Variants in CSMD3 observed in about 807,000 individuals in gnomAD.
The protein encoded by CSMD3 is CUB and Sushi multiple domains 3.
In CSMD3, 177 loss-of-function variants were observed where a neutral mutation model predicts 435.2. The ratio of observed to expected loss-of-function variants is 0.41; its 90% confidence interval spans 0.36 to 0.46. The LOEUF (loss-of-function observed/expected upper bound fraction) is 0.46, where lower values mean the gene tolerates loss of function less well. Among genes scored for constraint, CSMD3 ranks in the 20% least tolerant of loss-of-function variants. CSMD3 has a pLI of 0.34. For synonymous variants in CSMD3, 1,656 were observed against 1,520.5 expected, an observed-to-expected ratio of 1.09 and a Z score of -2.07; for missense variants, 4,265 against 4,504.6, an observed-to-expected ratio of 0.95 and a Z score of 1.52.
At chr8:112,382,834 T>C (rs1403548462) in intron 37 of CSMD3, among the ~76,000 whole-genome samples, 1 of 151,900 alleles carries the variant, frequency 6.6e-6, no homozygotes, top group Non-Finnish European at 1.5e-5. Flanking sequence ...TACCAAAAAA[T>C]ACAAAACTTA....
chr8:112,578,287 G>A (rs975244515), intron 23 of CSMD3, among the ~76,000 whole-genome samples: 2 of 152,024 alleles, frequency 1.3e-5, no homozygotes, highest in African/African-American at 2.4e-5. Flanking sequence ...TTTAGTGAAG[G>A]AGAAGGGGCA....
intron 22 of CSMD3, among the ~76,000 whole-genome samples, chr8:112,619,807 C>CT (rs905392368): frequency 8.6e-5 from 8 of 93,306 alleles, no homozygotes; most frequent in African/African-American, 1.3e-4. Flanking sequence ...TTTCTCCTAT[C>CT]TTAAAAAAAA....
At chr8:112,426,422 C>T (rs1813078172) in intron 32 of CSMD3, among the ~76,000 whole-genome samples, 1 of 151,990 alleles carries the variant, frequency 6.6e-6, no homozygotes, top group Non-Finnish European at 1.5e-5. Context: ...CTGAATTATT[C>T]CATTTGGTAA....
chr8:112,881,587 A>G (rs2081449320), intron 10 of CSMD3, among the ~76,000 whole-genome samples: 1 of 152,018 alleles, frequency 6.6e-6, no homozygotes, highest in South Asian at 2.1e-4. Context: ...CTTTTTAGGT[A>G]GATTTACTGT....
At chr8:112,402,265 C>T (rs751236252) in intron 35 of CSMD3, among the ~76,000 whole-genome samples, 5 of 152,152 alleles carry the variant, frequency 3.3e-5, no homozygotes, top group African/African-American at 4.8e-5. Context: ...GACATTCACC[C>T]ACGACTCTTG....
At chr8:113,089,108 T>C (rs949266517) in intron 5 of CSMD3, among the ~76,000 whole-genome samples, 2 of 152,128 alleles carry the variant, frequency 1.3e-5, no homozygotes, top group African/African-American at 2.4e-5. Flanking sequence ...CAGTGAACCA[T>C]GGACTAAAGC....
intron 32 of CSMD3, among the ~76,000 whole-genome samples, chr8:112,461,083 T>C (rs1817398966): frequency 6.6e-6 from 1 of 152,138 alleles, no homozygotes; most frequent in South Asian, 2.1e-4. Context: ...TTAAATCATA[T>C]GAGTCACCAA....
At chr8:112,954,483 T>A (rs975964393) in intron 8 of CSMD3, among the ~76,000 whole-genome samples, 2 of 151,606 alleles carry the variant, frequency 1.3e-5, no homozygotes, top group African/African-American at 4.8e-5. Flanking sequence ...AATCTGAGGC[T>A]GGGAGTTTGC....
intron 10 of CSMD3, among the ~76,000 whole-genome samples, chr8:112,913,263 T>C (rs989249013): frequency 9.2e-5 from 14 of 151,914 alleles, no homozygotes; most frequent in African/African-American, 2.9e-4. Context: ...AAGCACATTA[T>C]ATTTATCATT....
At chr8:113,025,966 T>TG (rs1415307715) in intron 5 of CSMD3, among the ~76,000 whole-genome samples, 1 of 152,156 alleles carries the variant, frequency 6.6e-6, no homozygotes, top group Non-Finnish European at 1.5e-5. Context: ...CAATGACTAT[T>TG]GGCTCCCATA....
At chr8:113,039,223 A>C (rs1172447551) in intron 5 of CSMD3, among the ~76,000 whole-genome samples, 1 of 152,080 alleles carries the variant, frequency 6.6e-6, no homozygotes, top group Non-Finnish European at 1.5e-5. Flanking sequence ...ATTTTTTCCT[A>C]CCAGTTTGAA....
intron 22 of CSMD3, among the ~76,000 whole-genome samples, chr8:112,600,236 A>T (rs947458957): frequency 6.6e-6 from 1 of 152,210 alleles, no homozygotes; most frequent in Non-Finnish European, 1.5e-5. Flanking sequence ...ATAATAAAAA[A>T]TGCTACCAAA....
At chr8:112,301,709 T>C (rs543686215) in intron 53 of CSMD3, 84 bp downstream of exon 53, 1 of 962,922 alleles carries the variant, frequency 1.0e-6, no homozygotes, top group African/African-American at 1.6e-5. Flanking sequence ...TAAATTAGTA[T>C]CTCATATTAG....
intron 16 of CSMD3, among the ~76,000 whole-genome samples, chr8:112,673,256 C>G (rs987303290): frequency 4.6e-5 from 6 of 129,372 alleles, no homozygotes; most frequent in African/African-American, 1.7e-4. Flanking sequence ...CATCATGGTT[C>G]AAAAAAAAAA....
At chr8:112,827,049 A>G (rs969376342) in intron 12 of CSMD3, among the ~76,000 whole-genome samples, 1 of 150,926 alleles carries the variant, frequency 6.6e-6, no homozygotes, top group Non-Finnish European at 1.5e-5. Context: ...TAGGGATTGT[A>G]CAGACCACTC....
intron 17 of CSMD3, among the ~76,000 whole-genome samples, chr8:112,660,941 G>A (rs913334425): frequency 6.6e-6 from 1 of 152,142 alleles, no homozygotes; most frequent in Non-Finnish European, 1.5e-5. Context: ...ATGAGGCACG[G>A]TTGACAAGTC....
rs10102812 is a variant in CSMD3 at position 112,540,547 on chromosome 8, A to G, written c.4564+10124T>C. On this transcript the variant is annotated intron_variant, in intron 27 of 70. Coordinates refer to ENST00000297405, the MANE Select transcript of CSMD3 (RefSeq NM_198123.2). The stretch of plus-strand genomic sequence containing the variant: ...CAATCAACCATCATTTGATGAGTGG[A>G]TAAAGAAAATGTGCTATATATACAC... 2.0e-3 allele frequency among the ~76,000 whole-genome samples: 302 copies of G among 152,212 alleles called. 3 individuals are homozygous for G. The highest frequency in any genetic ancestry group is 7.1e-3 in the African/African-American group (295 of 41,582).
intron 7 of CSMD3, 123 bp from the exon 8 acceptor site, chr8:112,954,884 A>T: frequency 1.5e-6 from 1 of 661,854 alleles, no homozygotes; most frequent in Non-Finnish European, 2.7e-6. Flanking sequence ...TAAGCCTGAT[A>T]TAGTACCCAG....
intron 14 of CSMD3, among the ~76,000 whole-genome samples, chr8:112,687,489 T>TA (rs1316440747): frequency 6.6e-6 from 1 of 152,184 alleles, no homozygotes; most frequent in Non-Finnish European, 1.5e-5. Context: ...TCGCATTTCT[T>TA]ACAATCTTTT....
Sources: gnomAD v4.1 joint callset for allele counts (sites outside exome capture counted in the v4.1 genomes callset) on GRCh38, gnomAD v4.1.1 for gene constraint, MANE v1.5 for transcripts, NCBI Gene and HGNC (gene_info 2026-07-23, HGNC 2026-07-21) for gene names.